ATF6: variants seen among roughly 807,000 people sequenced by gnomAD.
The protein encoded by ATF6 is cyclic AMP-dependent transcription factor ATF-6 alpha.
In ATF6, 53 loss-of-function variants were observed where a neutral mutation model predicts 83.6. The observed-to-expected ratio is 0.63, with a 90% confidence interval of 0.51 to 0.80. ATF6 has a LOEUF of 0.80. Among genes scored for constraint, ATF6 ranks in the 30% least tolerant of loss-of-function variants. The probability of loss-of-function intolerance (pLI) is 0.00; values close to 1 mark genes in which losing one functional copy is unlikely to be tolerated. For synonymous variants in ATF6, 288 were observed against 285.8 expected, an observed-to-expected ratio of 1.01 and a Z score of -0.08; for missense variants, 744 against 797.9, an observed-to-expected ratio of 0.93 and a Z score of 0.81.
intron 14 of ATF6, among the ~76,000 whole-genome samples, chr1:161,868,984 G>C (rs1334630839): frequency 6.6e-6 from 1 of 151,786 alleles, no homozygotes; most frequent in East Asian, 1.9e-4. Flanking sequence ...TTCTTTTTTG[G>C]AGAAGGGATG....
chr1:161,907,826 G>T (rs1410753418), intron 14 of ATF6, among the ~76,000 whole-genome samples: 2 of 152,136 alleles, frequency 1.3e-5, no homozygotes, highest in Non-Finnish European at 2.9e-5. Context: ...ACTCTTCAGA[G>T]TTCCATGTTG....
chr1:161,953,030 A>T (rs1308912714), intron 15 of ATF6, among the ~76,000 whole-genome samples: 1 of 152,146 alleles, frequency 6.6e-6, no homozygotes, highest in Non-Finnish European at 1.5e-5. Flanking sequence ...TAGGAATAAT[A>T]ATAATTCTTC....
intron 14 of ATF6, among the ~76,000 whole-genome samples, chr1:161,875,555 G>C (rs572192318): frequency 6.6e-6 from 1 of 151,774 alleles, no homozygotes; most frequent in Non-Finnish European, 1.5e-5. Context: ...GCAGATAGAA[G>C]TTTTCCAAAA....
intron 9 of ATF6, among the ~76,000 whole-genome samples, chr1:161,834,637 A>AG (rs1288817552): frequency 1.1e-5 from 1 of 88,042 alleles, no homozygotes; most frequent in African/African-American, 4.2e-5. Flanking sequence ...GTGTGGGGGG[A>AG]GGGGGGAGGG....
In ATF6 at chr1:161,849,742, T is replaced by A. The variant is rs371161586; in HGVS notation, c.1320-1980T>A. ...CACAGTTCATATCTATATGTCCTGA[T>A]GACTCTCAAATTTATGTTTTCAGTC... On this transcript the variant is annotated intron_variant, in intron 10 of 15. Transcript: ENST00000367942. Among the ~76,000 whole-genome samples the A allele has an allele frequency of 1.3e-4, 20 of 152,144 alleles. 1 individual carries two copies. The highest frequency in any genetic ancestry group is 9.8e-4 in the Admixed American group (15 of 15,270).
At position 161,947,810 on chromosome 1, in the gene ATF6, C is replaced by CTTTTTTTTTTTTTTTTT. The variant is rs10524670; in HGVS notation, c.1805-10621_1805-10605dup. On this transcript the variant is annotated intron_variant, in intron 15 of 15. Transcript: ENST00000367942. ...ATATTCCATAGTCCTTAAGCCACGC[C>CTTTTTTTTTTTTTTTTT]TTTTTTTTTTTTTTTTTTTTTTTTT... Among the ~76,000 whole-genome samples, 13 of 57,580 alleles carry CTTTTTTTTTTTTTTTTT rather than the reference C, an allele frequency of 2.3e-4. 3 individuals carry two copies. Among genetic ancestry groups the CTTTTTTTTTTTTTTTTT allele is most frequent in the African/African-American group, 5.1e-4 (6 of 11,720 alleles). 37.8% of individuals were successfully genotyped at this position (57,580 alleles called of 152,430 possible).
At chr1:161,797,357 A>C (rs1685045993) in intron 6 of ATF6, among the ~76,000 whole-genome samples, 1 of 152,152 alleles carries the variant, frequency 6.6e-6, no homozygotes, top group Non-Finnish European at 1.5e-5. Context: ...AAGGCATCCA[A>C]ATAGGAAGAG....
chr1:161,857,307 A>C lies in ATF6; in HGVS notation c.1534-2900A>C, dbSNP rs146540471. Among the ~76,000 whole-genome samples the C allele has an allele frequency of 2.1e-3, 313 of 152,198 alleles. 1 individual carries two copies. Among genetic ancestry groups the C allele is most frequent in the Admixed American group, 4.5e-3 (69 of 15,294 alleles). On this transcript the variant is annotated intron_variant, in intron 12 of 15. Coordinates refer to ENST00000367942, the MANE Select transcript of ATF6 (RefSeq NM_007348.4). ...TTTGAAATATCTGTTGTATTTAAGC[A>C]TTATGTCTTATAAAATATTCTGTAA...
At chr1:161,929,931 T>G (rs182573832) in intron 15 of ATF6, among the ~76,000 whole-genome samples, 261 of 152,288 alleles carry the variant, frequency 1.7e-3, no homozygotes, top group African/African-American at 6.1e-3. Flanking sequence ...GTATGATGTT[T>G]AGGAAAGCAG....
At chr1:161,867,077 G>A (rs1359376394) in intron 14 of ATF6, among the ~76,000 whole-genome samples, 6 of 152,098 alleles carry the variant, frequency 3.9e-5, no homozygotes, top group Admixed American at 2.6e-4. Flanking sequence ...GGTGGATCAC[G>A]AGGTCAGGAG....
intron 2 of ATF6, among the ~76,000 whole-genome samples, chr1:161,781,315 GT>G (rs1213661699): frequency 2.0e-5 from 3 of 151,498 alleles, no homozygotes; most frequent in Admixed American, 6.6e-5. Context: ...AAAAAGTGGT[GT>G]TTTTTTTGAT....
At chr1:161,913,174 C>G (rs144771623) in intron 15 of ATF6, among the ~76,000 whole-genome samples, 32 of 152,228 alleles carry the variant, frequency 2.1e-4, no homozygotes, top group African/African-American at 7.2e-4. Context: ...AGTTGGCCAT[C>G]TTTTTCAAGT....
chr1:161,913,956 A>G (rs1027918523), intron 15 of ATF6, among the ~76,000 whole-genome samples: 6 of 152,204 alleles, frequency 3.9e-5, no homozygotes, highest in African/African-American at 1.4e-4. Flanking sequence ...AAAACCAACA[A>G]GATGCTGTTT....
At chr1:161,939,653 T>C (rs1425229170) in intron 15 of ATF6, among the ~76,000 whole-genome samples, 1 of 152,254 alleles carries the variant, frequency 6.6e-6, no homozygotes, top group Admixed American at 6.5e-5. Context: ...CTCCATCTTC[T>C]GGTCCCAGAT....
chr1:161,904,939 T>A (rs533167846), intron 14 of ATF6, among the ~76,000 whole-genome samples: 1 of 152,334 alleles, frequency 6.6e-6, no homozygotes, highest in Admixed American at 6.5e-5. Flanking sequence ...TTATTCCACT[T>A]TGTAGTTTGC....
At chr1:161,795,809 T>C (rs1362860919) in intron 6 of ATF6, among the ~76,000 whole-genome samples, 2 of 152,232 alleles carry the variant, frequency 1.3e-5, no homozygotes, top group African/African-American at 4.8e-5. Context: ...GCATTGTAGT[T>C]TGTGGCCTGG....
intron 14 of ATF6, among the ~76,000 whole-genome samples, chr1:161,909,758 C>T (rs1240421105): frequency 6.6e-6 from 1 of 152,062 alleles, no homozygotes; most frequent in African/African-American, 2.4e-5. Context: ...AGATCAAGAC[C>T]ATCCTGGCTA....
intron 6 of ATF6, 104 bp downstream of exon 6, chr1:161,792,431 G>T: frequency 2.7e-6 from 3 of 1,126,338 alleles, no homozygotes; most frequent in Non-Finnish European, 3.9e-6. Context: ...AGCACGTGCT[G>T]TTTGTCAGGA....
Position 161,958,935 on chromosome 1 carries a change from C to G in ATF6, c.*281C>G, listed in dbSNP as rs1488866307. On this transcript the variant is annotated 3_prime_UTR_variant, in exon 16 of 16. Transcript: ENST00000367942. ...CCTGGTGTAGATTTTTTTTTCTGTA[C>G]CTTTCTAAACCTCTCTTCCCTCTGT... is the stretch of plus-strand genomic sequence containing the variant. 2 of 274,558 alleles carry G rather than the reference C, an allele frequency of 7.3e-6. No individual in the cohort carries two copies. The highest frequency in any genetic ancestry group is 1.4e-5 in the Non-Finnish European group (2 of 146,164). The allele number at this position is 274,558 out of a possible 1,614,324, so 17.0% of individuals were successfully genotyped here.
Sources: allele counts gnomAD v4.1 joint callset (sites outside exome capture counted in the v4.1 genomes callset), GRCh38; gene constraint gnomAD v4.1.1; transcripts MANE v1.5; gene names NCBI Gene and HGNC (gene_info 2026-07-23, HGNC 2026-07-21).